Variants in GRIK1 observed in about 807,000 individuals in gnomAD.
GRIK1 encodes glutamate ionotropic receptor kainate type subunit 1, also known as glutamate receptor ionotropic, kainate 1.
In GRIK1, 69 loss-of-function variants were observed where a neutral mutation model predicts 105.7. That is an observed-to-expected ratio of 0.65 (90% CI 0.54 to 0.80). GRIK1 has a LOEUF of 0.80. GRIK1 is among the 30% of genes least tolerant of loss of function. The pLI is 0.00. For missense variants in GRIK1, 1,109 were observed against 1,167.3 expected, an observed-to-expected ratio of 0.95 and a Z score of 0.73; for synonymous variants, 438 against 431.3, an observed-to-expected ratio of 1.02 and a Z score of -0.19.
chr21:29,829,935 G>A (rs918103861), intron 1 of GRIK1, among the ~76,000 whole-genome samples: 7 of 152,090 alleles, frequency 4.6e-5, no homozygotes, highest in Admixed American at 3.9e-4. Flanking sequence ...CTAAGCAAGA[G>A]ATGTGCTGGA....
chr21:29,848,779 A>ATATATATATATATATAT, intron 1 of GRIK1, among the ~76,000 whole-genome samples: 15 of 77,864 alleles, frequency 1.9e-4, no homozygotes, highest in African/African-American at 7.6e-4. Context: ...ATATATATAT[A>ATATATATATATATATAT]TTTTTTTTTT....
chr21:29,646,351 G>C (rs1198445705), intron 6 of GRIK1, among the ~76,000 whole-genome samples: 1 of 152,182 alleles, frequency 6.6e-6, no homozygotes, highest in East Asian at 1.9e-4. Flanking sequence ...ATTAAGTGCT[G>C]TTCATGCAAC....
intron 1 of GRIK1, among the ~76,000 whole-genome samples, chr21:29,904,900 A>G (rs947619716): frequency 6.6e-6 from 1 of 152,068 alleles, no homozygotes; most frequent in African/African-American, 2.4e-5. Context: ...CCTGCCTCCC[A>G]CAGCGTTCAT....
chr21:29,908,940 G>A (rs965617594), intron 1 of GRIK1, among the ~76,000 whole-genome samples: 1 of 152,154 alleles, frequency 6.6e-6, no homozygotes, highest in Non-Finnish European at 1.5e-5. Context: ...GGCTTTGGTA[G>A]ATGAATTATT....
chr21:29,788,304 AAAAGACATTTGCAGATACCC>A (rs2066315990), intron 1 of GRIK1, among the ~76,000 whole-genome samples: 1 of 152,208 alleles, frequency 6.6e-6, no homozygotes, highest in South Asian at 2.1e-4. Flanking sequence ...GGGCATTGCG[AAAAGACATTTGCAGATACCC>A]AACGCCATGT....
chr21:29,927,843 C>G (rs992607232), intron 1 of GRIK1, among the ~76,000 whole-genome samples: 2 of 151,970 alleles, frequency 1.3e-5, no homozygotes, highest in African/African-American at 4.8e-5. Flanking sequence ...TGCACTCCAG[C>G]CTGGGCGACA....
At chr21:29,560,548 C>T (rs1375203320) in intron 15 of GRIK1, among the ~76,000 whole-genome samples, 1 of 94,150 alleles carries the variant, frequency 1.1e-5, no homozygotes, top group Non-Finnish European at 2.1e-5. Context: ...TTCTTTCTTT[C>T]TTTCTTTCTT....
At chr21:29,771,411 T>C (rs1008853992) in intron 1 of GRIK1, among the ~76,000 whole-genome samples, 7 of 152,176 alleles carry the variant, frequency 4.6e-5, no homozygotes, top group Admixed American at 2.0e-4. Flanking sequence ...ACTAATTACG[T>C]TTACTTTTAT....
intron 1 of GRIK1, among the ~76,000 whole-genome samples, chr21:29,841,007 T>C (rs920974224): frequency 6.6e-5 from 10 of 152,184 alleles, no homozygotes; most frequent in Non-Finnish European, 1.5e-4. Context: ...CACTGGATGG[T>C]CTGGCATTGT....
intron 5 of GRIK1, among the ~76,000 whole-genome samples, chr21:29,652,607 T>C (rs1400833793): frequency 2.0e-5 from 3 of 152,240 alleles, no homozygotes; most frequent in African/African-American, 7.2e-5. Flanking sequence ...TCTAAATTGA[T>C]TCACATTTAA....
At chr21:29,562,160 A>G (rs1252292780) in intron 14 of GRIK1, among the ~76,000 whole-genome samples, 1 of 152,088 alleles carries the variant, frequency 6.6e-6, no homozygotes, top group Non-Finnish European at 1.5e-5. Flanking sequence ...TTTCCTTTCA[A>G]TCACTCAACT....
Position 29,620,789 on chromosome 21 carries a change from ATATC to A in GRIK1, c.1099-21856_1099-21853del, listed in dbSNP as rs1450636335. Among the ~76,000 whole-genome samples, 427 of 112,554 alleles carry A rather than the reference ATATC, an allele frequency of 3.8e-3. 3 individuals are homozygous for A. Among genetic ancestry groups the A allele is most frequent in the African/African-American group, 0.013 (284 of 21,438 alleles). The allele number at this position is 112,554 out of a possible 152,430, so 73.8% of individuals were successfully genotyped here. A position where few individuals can be genotyped will look rare whatever the true frequency, so the allele number is the denominator to read the frequency against. ...GAAAGTCATATATATATAGATATAT[ATATC>A]TATATATATATAGATATATATATAT... On this transcript the variant is annotated intron_variant, in intron 7 of 17. Transcript: ENST00000327783.
At chr21:29,850,706 C>G (rs906695582) in intron 1 of GRIK1, among the ~76,000 whole-genome samples, 3 of 152,210 alleles carry the variant, frequency 2.0e-5, no homozygotes, top group Non-Finnish European at 4.4e-5. Context: ...CATAAATTCT[C>G]TTTATTAAGA....
At chr21:29,920,457 T>C (rs1016597343) in intron 1 of GRIK1, among the ~76,000 whole-genome samples, 2 of 152,134 alleles carry the variant, frequency 1.3e-5, no homozygotes, top group African/African-American at 4.8e-5. Flanking sequence ...TTTACAGATA[T>C]AAACTCACAA....
At chr21:29,881,258 A>C (rs1711753666) in intron 1 of GRIK1, among the ~76,000 whole-genome samples, 1 of 152,072 alleles carries the variant, frequency 6.6e-6, no homozygotes, top group African/African-American at 2.4e-5. Context: ...GCCTAATCTG[A>C]GTGCTAGATA....
chr21:29,737,274 T>A (rs1316510008), intron 1 of GRIK1, among the ~76,000 whole-genome samples: 1 of 152,166 alleles, frequency 6.6e-6, no homozygotes, highest in Non-Finnish European at 1.5e-5. Flanking sequence ...ACAAAGAAAC[T>A]GTAGGCTCAT....
chr21:29,700,909 A>T (rs755996223), intron 1 of GRIK1, among the ~76,000 whole-genome samples: 1 of 152,214 alleles, frequency 6.6e-6, no homozygotes, highest in Non-Finnish European at 1.5e-5. Context: ...AACAAAAAAA[A>T]CACAGGAAAA....
chr21:29,612,554 A>G (rs765126841), intron 7 of GRIK1, among the ~76,000 whole-genome samples: 18 of 152,168 alleles, frequency 1.2e-4, no homozygotes, highest in Non-Finnish European at 2.5e-4. Flanking sequence ...TTGTCAGTGC[A>G]TTCATTTCTC....
intron 4 of GRIK1, among the ~76,000 whole-genome samples, chr21:29,667,996 G>C (rs1220738946): frequency 6.6e-6 from 1 of 152,212 alleles, no homozygotes; most frequent in East Asian, 1.9e-4. Context: ...ACCCAAATGT[G>C]CTTGGCAGAG....
Sources: allele counts gnomAD v4.1 joint callset (sites outside exome capture counted in the v4.1 genomes callset), GRCh38; gene constraint gnomAD v4.1.1; transcripts MANE v1.5; gene names NCBI Gene and HGNC (gene_info 2026-07-23, HGNC 2026-07-21).